MICU1: variants seen among roughly 807,000 people sequenced by gnomAD.
The protein encoded by MICU1 is mitochondrial calcium uptake 1.
MICU1 carries 45 observed loss-of-function variants against 56.8 expected under a neutral mutation model. The ratio of observed to expected loss-of-function variants is 0.79; its 90% confidence interval spans 0.62 to 1.02. The LOEUF (loss-of-function observed/expected upper bound fraction) is 1.02, where lower values mean the gene tolerates loss of function less well. Among genes scored for constraint, MICU1 ranks in the 50% least tolerant of loss-of-function variants. The pLI is 0.00. For synonymous variants in MICU1, 186 were observed against 195.1 expected, an observed-to-expected ratio of 0.95 and a Z score of 0.39; for missense variants, 504 against 587.1, an observed-to-expected ratio of 0.86 and a Z score of 1.46.
intron 4 of MICU1, among the ~76,000 whole-genome samples, chr10:72,540,033 C>T (rs898091153): frequency 6.6e-6 from 1 of 151,676 alleles, no homozygotes; most frequent in African/African-American, 2.4e-5. Flanking sequence ...TTTGGGAGGC[C>T]GAGACAGGTG....
At chr10:72,622,411 T>C (rs1842127578) in intron 1 of MICU1, among the ~76,000 whole-genome samples, 1 of 152,078 alleles carries the variant, frequency 6.6e-6, no homozygotes, top group Admixed American at 6.6e-5. Context: ...CACTCCAGGA[T>C]AGGGACAAAT....
chr10:72,450,628 A>G (rs984537605), intron 8 of MICU1, among the ~76,000 whole-genome samples: 4 of 152,114 alleles, frequency 2.6e-5, no homozygotes, highest in African/African-American at 9.7e-5. Flanking sequence ...AAGTCAGATC[A>G]TGCTTTGTTT....
At chr10:72,524,639 G>A (rs1589307671) in intron 5 of MICU1, 1 of 778,608 alleles carries the variant, frequency 1.3e-6, no homozygotes, top group East Asian at 3.4e-5. Flanking sequence ...AGCAGGGCAA[G>A]GACATATGCA....
At position 72,398,148 on chromosome 10, in the gene MICU1, A is replaced by G. The variant is rs544626134; in HGVS notation, c.1180+9781T>C. On this transcript the variant is annotated intron_variant, in intron 10 of 11. Coordinates refer to ENST00000361114, the MANE Select transcript of MICU1 (RefSeq NM_001195518.2). Reference sequence around the variant, plus strand: ...AGGATTAAGAAACTCACTCAAAACCACTCAACTACATGGAAACTGAACAAC... The same window carrying G: ...AGGATTAAGAAACTCACTCAAAACCGCTCAACTACATGGAAACTGAACAAC... Among the ~76,000 whole-genome samples, 93 of 152,166 alleles carry G rather than the reference A, an allele frequency of 6.1e-4. 1 individual carries two copies. In the East Asian group the frequency reaches 7.5e-3, roughly 12 times the overall value.
At chr10:72,480,811 A>G (rs1484250585) in intron 6 of MICU1, among the ~76,000 whole-genome samples, 1 of 152,228 alleles carries the variant, frequency 6.6e-6, no homozygotes, top group Non-Finnish European at 1.5e-5. Context: ...CCATGAAGGC[A>G]TGTGCCCAGA....
At chr10:72,550,353 A>C (rs1178870463) in intron 4 of MICU1, among the ~76,000 whole-genome samples, 2 of 152,218 alleles carry the variant, frequency 1.3e-5, no homozygotes, top group Non-Finnish European at 2.9e-5. Flanking sequence ...TATAGTCTAG[A>C]TGTGTAGTAG....
At chr10:72,576,305 G>A (rs1840744478) in intron 1 of MICU1, among the ~76,000 whole-genome samples, 1 of 149,370 alleles carries the variant, frequency 6.7e-6, no homozygotes, top group Non-Finnish European at 1.5e-5. Context: ...GCCAAGATAG[G>A]CCAAAAGTTA....
chr10:72,389,951 G>A (rs373302592), intron 10 of MICU1, among the ~76,000 whole-genome samples: 11 of 152,296 alleles, frequency 7.2e-5, no homozygotes, highest in East Asian at 3.9e-4. Context: ...CCCAGTGTGC[G>A]TACGAATGAG....
intron 11 of MICU1, among the ~76,000 whole-genome samples, chr10:72,373,408 C>T (rs1862413220): frequency 6.6e-6 from 1 of 152,128 alleles, no homozygotes; most frequent in South Asian, 2.1e-4. Flanking sequence ...AACTCCTGGC[C>T]TCAAGTGATC....
At chr10:72,475,054 A>G (rs1319132229) in intron 8 of MICU1, 46 bp downstream of exon 8, 36 of 1,533,566 alleles carry the variant, frequency 2.3e-5, no homozygotes, top group Non-Finnish European at 3.0e-5. Context: ...CCTCCTGCCC[A>G]TCAGTTCCAC....
At chr10:72,574,816 AAC>A (rs1279008309) in intron 1 of MICU1, among the ~76,000 whole-genome samples, 1 of 152,126 alleles carries the variant, frequency 6.6e-6, no homozygotes, top group Non-Finnish European at 1.5e-5. Context: ...GCTGCTTAGA[AAC>A]AGAGTTCACT....
At chr10:72,432,005 TG>T (rs1287292582) in intron 8 of MICU1, among the ~76,000 whole-genome samples, 2 of 152,134 alleles carry the variant, frequency 1.3e-5, no homozygotes, top group Non-Finnish European at 2.9e-5. Flanking sequence ...TTTTTTATGT[TG>T]TCTATTTTTA....
At chr10:72,464,498 ATACTG>A (rs1471911224) in intron 8 of MICU1, among the ~76,000 whole-genome samples, 5 of 152,128 alleles carry the variant, frequency 3.3e-5, no homozygotes, top group Non-Finnish European at 5.9e-5. Context: ...TTTTCTAAAA[ATACTG>A]TACTAGTAAA....
chr10:72,615,308 G>C (rs1307896014), intron 1 of MICU1, among the ~76,000 whole-genome samples: 1 of 152,138 alleles, frequency 6.6e-6, no homozygotes, highest in Non-Finnish European at 1.5e-5. Flanking sequence ...ACTACAGACA[G>C]GGTTTCACCA....
chr10:72,487,193 A>T (rs1238889081), intron 6 of MICU1, among the ~76,000 whole-genome samples: 1 of 152,124 alleles, frequency 6.6e-6, no homozygotes. Flanking sequence ...CAAGGAAAAA[A>T]ATTCATCTTG....
intron 5 of MICU1, among the ~76,000 whole-genome samples, chr10:72,517,303 CA>C (rs1161663040): frequency 6.6e-6 from 1 of 152,062 alleles, no homozygotes; most frequent in Non-Finnish European, 1.5e-5. Context: ...AGTCATTATA[CA>C]AAAAAGATAC....
At chr10:72,489,932 C>T (rs941719546) in intron 6 of MICU1, among the ~76,000 whole-genome samples, 8 of 152,072 alleles carry the variant, frequency 5.3e-5, no homozygotes, top group African/African-American at 1.9e-4. Context: ...GTCATCTTTC[C>T]GAAATTTCTT....
intron 1 of MICU1, among the ~76,000 whole-genome samples, chr10:72,573,593 G>A (rs1341569814): frequency 6.6e-6 from 1 of 151,850 alleles, no homozygotes; most frequent in Non-Finnish European, 1.5e-5. Context: ...TAAGTTTAAA[G>A]GAAGAATATA....
chr10:72,477,055 G>T lies in MICU1; in HGVS notation c.735+119C>A. 3 of 610,238 alleles carry T rather than the reference G, an allele frequency of 4.9e-6. 1 individual carries two copies. The highest frequency in any genetic ancestry group is 6.9e-5 in the South Asian group (2 of 28,984). 37.8% of individuals were successfully genotyped at this position (610,238 alleles called of 1,614,324 possible). A position where few individuals can be genotyped will look rare whatever the true frequency, so the allele number is the denominator to read the frequency against. ...ATAATTTTGAGAAATGACATTTTAG[G>T]TACTTCAAAAATTGGAATAGCCTCT... On this transcript the variant is annotated intron_variant, in intron 7 of 11. Transcript: ENST00000361114.
Sources: gnomAD v4.1 joint callset for allele counts (sites outside exome capture counted in the v4.1 genomes callset) on GRCh38, gnomAD v4.1.1 for gene constraint, MANE v1.5 for transcripts, NCBI Gene and HGNC (gene_info 2026-07-23, HGNC 2026-07-21) for gene names.